The following PCDH7 variants were observed in gnomAD, a reference collection of about 807,000 sequenced individuals.
The protein encoded by PCDH7 is protocadherin-7.
Under a neutral mutation model 58.9 loss-of-function variants are expected in PCDH7, and 17 were observed. The ratio of observed to expected loss-of-function variants is 0.29; its 90% CI spans 0.20 to 0.43. PCDH7 has a LOEUF of 0.43. Ranked by LOEUF, PCDH7 falls within the 20% of genes least tolerant of loss-of-function variation. The probability of loss-of-function intolerance (pLI) is 1.00; values close to 1 mark genes in which losing one functional copy is unlikely to be tolerated. For synonymous variants in PCDH7, 664 were observed against 616.4 expected (o/e 1.08, Z -1.14); for missense variants, 1,274 against 1,441.0 (o/e 0.88, Z 1.88).
chr4:30,928,063 C>A (rs28408956), intron 2 of PCDH7, among the ~76,000 whole-genome samples: 5,513 of 152,162 alleles, frequency 0.036, 329 homozygotes, highest in African/African-American at 0.13. Flanking sequence ...ACAGCCTCGA[C>A]CTCCTGGGCT....
At chr4:30,997,692 T>C (rs558213059) in intron 3 of PCDH7, among the ~76,000 whole-genome samples, 15 of 152,336 alleles carry the variant, frequency 9.8e-5, no homozygotes, top group Middle Eastern at 3.4e-3. Flanking sequence ...TGTTGAACTC[T>C]TTCTTTAGTA....
intron 1 of PCDH7, among the ~76,000 whole-genome samples, chr4:30,833,111 T>TTG (rs1730012454): frequency 6.6e-6 from 1 of 152,074 alleles, no homozygotes; most frequent in Non-Finnish European, 1.5e-5. Flanking sequence ...GAATGTGTTT[T>TTG]TGTGTGTGTG....
At chr4:30,890,998 C>T (rs1478444028) in intron 1 of PCDH7, among the ~76,000 whole-genome samples, 1 of 151,854 alleles carries the variant, frequency 6.6e-6, no homozygotes. Flanking sequence ...AAACTAGATG[C>T]TCCATAAATG....
intron 3 of PCDH7, among the ~76,000 whole-genome samples, chr4:31,071,317 G>C (rs926853029): frequency 6.6e-6 from 1 of 151,942 alleles, no homozygotes; most frequent in African/African-American, 2.4e-5. Context: ...CATGTTTACT[G>C]TGTACATGTG....
At chr4:31,043,030 C>A (rs1006260406) in intron 3 of PCDH7, among the ~76,000 whole-genome samples, 5 of 151,966 alleles carry the variant, frequency 3.3e-5, no homozygotes, top group African/African-American at 9.7e-5. Context: ...CCTATGATAA[C>A]CAACTCACTC....
intron 1 of PCDH7, among the ~76,000 whole-genome samples, chr4:30,748,741 A>C (rs899839157): frequency 1.3e-5 from 2 of 152,102 alleles, no homozygotes; most frequent in Non-Finnish European, 2.9e-5. Flanking sequence ...TTGACATCCT[A>C]TGTGATATTG....
At chr4:30,880,730 G>A (rs35857516) in intron 1 of PCDH7, among the ~76,000 whole-genome samples, 3 of 151,948 alleles carry the variant, frequency 2.0e-5, no homozygotes. Context: ...CAAGCAAATA[G>A]TTTCCTTTTT....
intron 2 of PCDH7, among the ~76,000 whole-genome samples, chr4:30,947,123 A>T (rs1369794710): frequency 6.6e-6 from 1 of 152,142 alleles, no homozygotes; most frequent in Non-Finnish European, 1.5e-5. Flanking sequence ...ACTAAGTCCC[A>T]CAGCCTTGTG....
At chr4:30,891,382 G>GT (rs1560473442) in intron 1 of PCDH7, among the ~76,000 whole-genome samples, 1 of 151,926 alleles carries the variant, frequency 6.6e-6, no homozygotes, top group Non-Finnish European at 1.5e-5. Flanking sequence ...TCAGTGTTTT[G>GT]TTTTTTTATA....
chr4:31,082,095 A>C (rs1468840832), intron 3 of PCDH7, among the ~76,000 whole-genome samples: 5 of 152,180 alleles, frequency 3.3e-5, no homozygotes, highest in African/African-American at 1.2e-4. Flanking sequence ...CTTTTTAAAA[A>C]ATTTCTAACT....
intron 3 of PCDH7, among the ~76,000 whole-genome samples, chr4:30,972,859 A>G (rs1037880151): frequency 2.0e-5 from 3 of 152,204 alleles, no homozygotes; most frequent in African/African-American, 7.2e-5. Flanking sequence ...ATTTGCAAAT[A>G]AACTATTTTA....
Position 30,878,987 on chromosome 4 carries a change from G to A in PCDH7, c.71-41166G>A, listed in dbSNP as rs150767894. Among the ~76,000 whole-genome samples the A allele has an allele frequency of 5.1e-3, 773 of 152,154 alleles. 6 individuals carry two copies. Among genetic ancestry groups the A allele is most frequent in the African/African-American group, 0.017 (710 of 41,516 alleles). ...AGTCACCTAACTAATATAGCTAGAA[G>A]GGGAAAAAATATCCAAGTATATCCT... On this transcript the variant is annotated intron_variant, in intron 1 of 3. Transcript: ENST00000509759.
intron 3 of PCDH7, among the ~76,000 whole-genome samples, chr4:31,079,331 TA>T (rs1206660762): frequency 3.5e-5 from 2 of 56,860 alleles, no homozygotes; most frequent in African/African-American, 1.9e-4. Context: ...TATATATATA[TA>T]TATATATATA....
chr4:31,030,592 C>A (rs576756000), intron 3 of PCDH7, among the ~76,000 whole-genome samples: 1 of 151,622 alleles, frequency 6.6e-6, no homozygotes, highest in Non-Finnish European at 1.5e-5. Flanking sequence ...AAGAAAAAAA[C>A]AAGTAGAAAA....
chr4:31,037,573 T>C (rs1330354192), intron 3 of PCDH7, among the ~76,000 whole-genome samples: 1 of 152,204 alleles, frequency 6.6e-6, no homozygotes, highest in African/African-American at 2.4e-5. Context: ...GTATCTTCAA[T>C]GATTAAAATA....
chr4:30,947,614 T>C (rs972753413), intron 2 of PCDH7, among the ~76,000 whole-genome samples: 2 of 152,214 alleles, frequency 1.3e-5, no homozygotes, highest in Admixed American at 1.3e-4. Context: ...TACCTAGCGA[T>C]GATTCAATGC....
intron 3 of PCDH7, among the ~76,000 whole-genome samples, chr4:31,014,302 A>T (rs1753440938): frequency 6.6e-6 from 1 of 152,230 alleles, no homozygotes; most frequent in Admixed American, 6.5e-5. Context: ...AAAAAATGAG[A>T]CATTTAATGA....
chr4:31,028,023 A>G (rs1754584364), intron 3 of PCDH7, among the ~76,000 whole-genome samples: 1 of 152,176 alleles, frequency 6.6e-6, no homozygotes, highest in South Asian at 2.1e-4. Context: ...ATTAATGACC[A>G]TGGTCATTTT....
At chr4:30,772,569 G>C (rs1028854893) in intron 1 of PCDH7, among the ~76,000 whole-genome samples, 1 of 152,182 alleles carries the variant, frequency 6.6e-6, no homozygotes, top group African/African-American at 2.4e-5. Context: ...GCTCAGCTTG[G>C]TTAAGAGTTG....
Sources: gnomAD v4.1 joint callset for allele counts (sites outside exome capture counted in the v4.1 genomes callset) on GRCh38, gnomAD v4.1.1 for gene constraint, MANE v1.5 for transcripts, NCBI Gene and HGNC (gene_info 2026-07-23, HGNC 2026-07-21) for gene names.